Variants in HDLBP observed in about 807,000 individuals in gnomAD.
The protein encoded by HDLBP is vigilin.
In HDLBP, 30 loss-of-function variants were observed where a neutral mutation model predicts 137.3. The ratio of observed to expected loss-of-function variants is 0.22; its 90% CI spans 0.16 to 0.30. The LOEUF (loss-of-function observed/expected upper bound fraction) is 0.30. Among genes scored for constraint, HDLBP ranks in the 10% least tolerant of loss-of-function variants. The probability of loss-of-function intolerance (pLI) is 1.00; values close to 1 mark genes in which losing one functional copy is unlikely to be tolerated. For missense variants in HDLBP, 1,119 were observed against 1,667.3 expected (o/e 0.67, Z 5.73); for synonymous variants, 606 against 596.0 (o/e 1.02, Z -0.24).
chr2:241,240,193 T>TCTGTAGGACAGCAAG lies in HDLBP; in HGVS notation c.2170-86_2170-72dup. 5 of 1,460,316 alleles carry TCTGTAGGACAGCAAG rather than the reference T, an allele frequency of 3.4e-6. No homozygotes were observed. Among genetic ancestry groups the TCTGTAGGACAGCAAG allele is most frequent in the Non-Finnish European group, 4.8e-6 (5 of 1,040,082 alleles). The allele number at this position is 1,460,316 out of a possible 1,614,324, so 90.5% of individuals were successfully genotyped here. On this transcript the variant is annotated intron_variant, in intron 17 of 27. Transcript: ENST00000310931. This position sits in a 1 kb window ranked among gnomAD's most constrained non-coding sequence, Gnocchi z 5.5. ...GACCACAGTGAGGAAGACAAGAGGG[T>TCTGTAGGACAGCAAG]CTGTAGGACAGCAAGCTCGGGCTCC...
At chr2:241,282,870 C>T (rs2074657967) in intron 1 of HDLBP, among the ~76,000 whole-genome samples, 1 of 152,138 alleles carries the variant, frequency 6.6e-6, no homozygotes, top group Non-Finnish European at 1.5e-5. Flanking sequence ...CAATTAATAA[C>T]CCAACAATTG....
intron 1 of HDLBP, among the ~76,000 whole-genome samples, chr2:241,292,375 A>G (rs1291922546): frequency 6.6e-6 from 1 of 152,180 alleles, no homozygotes; most frequent in African/African-American, 2.4e-5. Context: ...AACAAAAACT[A>G]AAAAAGGGAA....
chr2:241,275,127 G>A (rs2074341539), intron 1 of HDLBP, among the ~76,000 whole-genome samples: 1 of 152,088 alleles, frequency 6.6e-6, no homozygotes, highest in Non-Finnish European at 1.5e-5. Context: ...AAGCCCATTT[G>A]TCCAGGAACC....
rs2069224873 is a variant in HDLBP, at chr2:241,227,301, G to A, written c.*2300C>T. On this transcript the variant is annotated 3_prime_UTR_variant, in exon 28 of 28. Coordinates refer to ENST00000310931, the MANE Select transcript of HDLBP (RefSeq NM_005336.6). ...TCCCAGCATGCTACATCTGGTTTCGGGTTTTATTTTAGAATTTATAAAATT... is the reference window on the plus strand; with the variant it reads ...TCCCAGCATGCTACATCTGGTTTCGAGTTTTATTTTAGAATTTATAAAATT... 1 of 152,484 alleles carries A rather than the reference G, an allele frequency of 6.6e-6. No homozygotes were observed. The highest frequency in any genetic ancestry group is 6.5e-5 in the Admixed American group (1 of 15,280). The allele number at this position is 152,484 out of a possible 1,614,324, so 9.4% of individuals were successfully genotyped here.
intron 1 of HDLBP, among the ~76,000 whole-genome samples, chr2:241,311,732 G>A (rs1387029577): frequency 6.6e-6 from 1 of 152,176 alleles, no homozygotes; most frequent in Admixed American, 6.5e-5. Flanking sequence ...AAGTTATCCA[G>A]AAAAGTGAAA....
Position 241,230,751 on chromosome 2 carries a change from C to T in HDLBP, c.3474+8G>A, listed in dbSNP as rs202062037. On this transcript the variant is annotated splice_region_variant and intron_variant, in intron 25 of 27. Transcript: ENST00000310931. This position sits in a 1 kb window ranked among gnomAD's most constrained non-coding sequence, Gnocchi z 5.0. ...GATTCTCACCCACTGTGCTTCCAGC[C>T]GGCTCACCTTGAATTCGTCCATGAT... The T allele has an allele frequency of 2.4e-5, 38 of 1,612,924 alleles. No homozygotes were observed. The highest frequency in any genetic ancestry group is 3.3e-4 in the Middle Eastern group (2 of 6,058).
chr2:241,236,723 C>T lies in HDLBP; in HGVS notation c.2796G>A (p.Gly932=), dbSNP rs1273906929. 1 of 1,614,192 alleles carries T rather than the reference C, an allele frequency of 6.2e-7. No homozygotes were observed. The highest frequency in any genetic ancestry group is 1.7e-5 in the Admixed American group (1 of 60,028). The stretch of plus-strand genomic sequence containing the variant: ...CACAATCTTTAGCCTCTCTCCCCTC[C>T]CCAGCTTCGTCCCCATTCTCCTGGA... ...PVVQENGDEA[G]EGREAKDCDP... is the part of the protein sequence containing the mutation. The change falls in exon 21 of 28, where the codon GGG becomes GGA. Residue 932 remains glycine, a synonymous_variant. Coordinates refer to ENST00000310931, the MANE Select transcript of HDLBP (RefSeq NM_005336.6).
In HDLBP at chr2:241,254,523, C is replaced by T. The variant is rs550650233; in HGVS notation, c.1188+528G>A. 1.7e-4 allele frequency among the ~76,000 whole-genome samples: 26 copies of T among 148,980 alleles called. No individual in the cohort carries two copies. In the East Asian group the frequency reaches 2.2e-3, roughly 12 times the overall value. On this transcript the variant is annotated intron_variant, in intron 9 of 27. Coordinates refer to ENST00000310931, the MANE Select transcript of HDLBP (RefSeq NM_005336.6). Reference sequence around the variant, plus strand: ...TTTTTGAGACAGAGTCTCGCTCTGTCGCCAAGGCTGGAATGCAGTGGTGCC... The same window carrying T: ...TTTTTGAGACAGAGTCTCGCTCTGTTGCCAAGGCTGGAATGCAGTGGTGCC...
chr2:241,300,740 T>C (rs919365331), intron 1 of HDLBP, among the ~76,000 whole-genome samples: 2 of 152,138 alleles, frequency 1.3e-5, no homozygotes, highest in African/African-American at 4.8e-5. Context: ...TCTGAGACAG[T>C]AGGGCTGAAC....
chr2:241,286,521 G>A (rs1236024517), intron 1 of HDLBP, among the ~76,000 whole-genome samples: 1 of 152,136 alleles, frequency 6.6e-6, no homozygotes, highest in Non-Finnish European at 1.5e-5. Flanking sequence ...TCCTGCCTTT[G>A]CTTCGAGCCA....
At chr2:241,242,338 T>C (rs1033743700) in intron 17 of HDLBP, 122 bp downstream of exon 17, 12 of 782,534 alleles carry the variant, frequency 1.5e-5, no homozygotes, top group Non-Finnish European at 2.3e-5. Flanking sequence ...CAGTACATTA[T>C]AGAGCTGTTT....
At chr2:241,267,998 C>CT (rs1252408861) in intron 2 of HDLBP, 1 of 976,018 alleles carries the variant, frequency 1.0e-6, no homozygotes, top group Non-Finnish European at 1.2e-6. Flanking sequence ...CTTCCCTCTC[C>CT]TTCCCTCTCC....
At chr2:241,295,295 A>G (rs1049089550) in intron 1 of HDLBP, among the ~76,000 whole-genome samples, 3 of 152,354 alleles carry the variant, frequency 2.0e-5, no homozygotes, top group Non-Finnish European at 4.4e-5. Context: ...TAAAATAAGC[A>G]ACAGAATGAC....
At position 241,239,754 on chromosome 2, in the gene HDLBP, C is replaced by G; in HGVS notation, c.2458G>C (p.Gly820Arg). The G allele has an allele frequency of 6.2e-7, 1 of 1,614,214 alleles. No individual in the cohort carries two copies. Reference protein sequence around the residue: ...KHHRHFVIRRGQVLREIAEEY... With the variant: ...KHHRHFVIRRRQVLREIAEEY... ...TCAGCAATCTCCCGCAAGACCTGGC[C>G]TCTGCGGATGACGAAGTGGCGGTGG... Residue 820 changes from glycine to arginine, a missense_variant, in exon 19 of 28, where the codon GGC becomes CGC. Physicochemically the swap from Gly to Arg is moderately radical, Grantham distance 125. This residue lies in a region of HDLBP where 618 missense variants were observed against 816.7 expected (regional missense o/e 0.76). Transcript: ENST00000310931. The surrounding 1 kb of genome is among the most constrained non-coding windows in gnomAD (Gnocchi z 4.6).
In HDLBP at chr2:241,240,452, C is replaced by T. The variant is rs1295163042; in HGVS notation, c.2170-330G>A. Among the ~76,000 whole-genome samples the T allele has an allele frequency of 2.0e-5, 3 of 151,622 alleles. No individual in the cohort carries two copies. The highest frequency in any genetic ancestry group is 3.0e-5 in the Non-Finnish European group (2 of 67,718). On this transcript the variant is annotated intron_variant, in intron 17 of 27. Transcript: ENST00000310931. The surrounding 1 kb of genome is among the most constrained non-coding windows in gnomAD (Gnocchi z 5.5). ...TGCACAGGGGGAGGTGGGAGCAACG[C>T]GCCGGACGATATGTTGGCGGAGTGC...
intron 4 of HDLBP, 38 bp downstream of exon 4, chr2:241,264,410 C>G: frequency 7.1e-7 from 1 of 1,410,784 alleles, no homozygotes; most frequent in African/African-American, 1.5e-5. Flanking sequence ...AGACATGTTA[C>G]ATGATAAAAT....
chr2:241,253,969 C>G (rs1055897645), intron 9 of HDLBP, among the ~76,000 whole-genome samples: 2 of 152,134 alleles, frequency 1.3e-5, no homozygotes, highest in Non-Finnish European at 2.9e-5. Flanking sequence ...GGAAGGCAGA[C>G]TGGTCCTTAT....
intron 1 of HDLBP, among the ~76,000 whole-genome samples, chr2:241,314,079 A>C (rs536511093): frequency 2.6e-5 from 4 of 152,304 alleles, no homozygotes; most frequent in African/African-American, 9.6e-5. Context: ...CATTTTCCCC[A>C]AGTCTAAAAC....
rs1158102685 is a variant in HDLBP at position 241,230,427 on chromosome 2, A to G, written c.3475-158T>C. 3.3e-5 allele frequency among the ~76,000 whole-genome samples: 5 copies of G among 152,256 alleles called. No homozygotes were observed. Among genetic ancestry groups the G allele is most frequent in the Admixed American group, 1.3e-4 (2 of 15,290 alleles). On this transcript the variant is annotated intron_variant, in intron 25 of 27. Transcript: ENST00000310931. This position sits in a 1 kb window ranked among gnomAD's most constrained non-coding sequence, Gnocchi z 5.0. ...GTCAGTCAGCCTCATCACCACACCA[A>G]GTTAGGTGTATCTCAGGAGCACCTT...
Sources: gnomAD v4.1 joint callset for allele counts (sites outside exome capture counted in the v4.1 genomes callset) on GRCh38, gnomAD v4.1.1 for gene constraint, gnomAD v4.1.1 regional missense constraint, Gnocchi (gnomAD v3.1) non-coding constraint, MANE v1.5 for transcripts, NCBI Gene and HGNC (gene_info 2026-07-23, HGNC 2026-07-21) for gene names.